MYOM2: variants seen among roughly 807,000 people sequenced by gnomAD.
MYOM2 encodes myomesin-2.
A neutral mutation model predicts 187.6 loss-of-function variants in MYOM2; 254 were observed. That is an observed-to-expected ratio of 1.35 (90% CI 1.22 to 1.50). The LOEUF (loss-of-function observed/expected upper bound fraction) is 1.50. Ranked by LOEUF, MYOM2 falls within the 40% of genes most tolerant of loss-of-function variation. The probability of loss-of-function intolerance (pLI) is 0.00; values close to 1 mark genes in which losing one functional copy is unlikely to be tolerated. For missense variants in MYOM2, 2,796 were observed against 1,924.0 expected (o/e 1.45, Z -8.48); for synonymous variants, 981 against 753.8 (o/e 1.30, Z -4.94).
chr8:2,070,578 G>T (rs1359552139), intron 8 of MYOM2, among the ~76,000 whole-genome samples: 1 of 152,110 alleles, frequency 6.6e-6, no homozygotes, highest in Non-Finnish European at 1.5e-5. Flanking sequence ...GCACTGATGA[G>T]CTGGGCAGGT....
chr8:2,135,575 G>A (rs78183207), intron 32 of MYOM2, among the ~76,000 whole-genome samples: 19,789 of 151,946 alleles, frequency 0.13, 2,175 homozygotes, highest in African/African-American at 0.28. Flanking sequence ...CATCCTGCTG[G>A]TTGCTTTAGC....
chr8:2,060,699 T>C lies in MYOM2; in HGVS notation c.653+1454T>C, dbSNP rs184372322. ...GAACACAAATGTTGATTGATCATCC[T>C]GCCTCCCCTCCCCAGAAGCCTGCTT... is the stretch of plus-strand genomic sequence containing the variant. On this transcript the variant is annotated intron_variant, in intron 6 of 36. Transcript: ENST00000262113. Among the ~76,000 whole-genome samples the C allele has an allele frequency of 1.4e-4, 22 of 152,302 alleles. No individual in the cohort carries two copies. In the East Asian group the frequency reaches 4.3e-3, roughly 29 times the overall value.
At chr8:2,143,356 A>C in intron 35 of MYOM2, 45 bp from the exon 36 acceptor site, 1 of 1,612,474 alleles carries the variant, frequency 6.2e-7, no homozygotes, top group Non-Finnish European at 8.5e-7. Context: ...CTCCGTGGGA[A>C]CGTCCCGCAG....
At chr8:2,100,623 C>T (rs1255791587) in intron 19 of MYOM2, 5 of 486,748 alleles carry the variant, frequency 1.0e-5, no homozygotes, top group Non-Finnish European at 7.4e-6. Context: ...CCCGAGAATG[C>T]AGTGTGGACT....
chr8:2,104,976 C>T lies in MYOM2; in HGVS notation c.2735-1266C>T, dbSNP rs189835634. ...TGTTTTTTATAGAGACAGGATCTCACTATGTTGCCCAGGCTGGTCTTGAAC... is the reference window on the plus strand; with the variant it reads ...TGTTTTTTATAGAGACAGGATCTCATTATGTTGCCCAGGCTGGTCTTGAAC... On this transcript the variant is annotated intron_variant, in intron 21 of 36. Coordinates refer to ENST00000262113, the MANE Select transcript of MYOM2 (RefSeq NM_003970.4). Among the ~76,000 whole-genome samples the T allele has an allele frequency of 7.9e-5, 12 of 152,324 alleles. No individual in the cohort carries two copies. The East Asian group carries it at 1.9e-3, about 24-fold the overall frequency.
chr8:2,077,080 C>G (rs974464504), intron 11 of MYOM2, among the ~76,000 whole-genome samples: 1 of 152,106 alleles, frequency 6.6e-6, no homozygotes, highest in Admixed American at 6.5e-5. Context: ...GGGAGGCCAA[C>G]GCGGGCGGAT....
chr8:2,058,073 T>G (rs1031104190), intron 5 of MYOM2, among the ~76,000 whole-genome samples: 1 of 134,296 alleles, frequency 7.4e-6, no homozygotes, highest in African/African-American at 2.8e-5. Context: ...GGCTGGAGTG[T>G]GATGGTGTGA....
intron 6 of MYOM2, among the ~76,000 whole-genome samples, chr8:2,068,402 C>T (rs1468128173): frequency 6.7e-6 from 1 of 150,244 alleles, no homozygotes; most frequent in Non-Finnish European, 1.5e-5. Flanking sequence ...TCTTCAATGC[C>T]TGTGTGCACC....
At chr8:2,132,404 G>A (rs1409461930) in intron 32 of MYOM2, among the ~76,000 whole-genome samples, 1 of 152,216 alleles carries the variant, frequency 6.6e-6, no homozygotes, top group Non-Finnish European at 1.5e-5. Flanking sequence ...TTCAGCGTGA[G>A]TTAGAAGCAG....
chr8:2,087,075 T>G (rs970705097), intron 14 of MYOM2, among the ~76,000 whole-genome samples: 2 of 152,218 alleles, frequency 1.3e-5, no homozygotes, highest in Non-Finnish European at 1.5e-5. Flanking sequence ...TTTTACCCTG[T>G]CCGGTGACAT....
intron 31 of MYOM2, among the ~76,000 whole-genome samples, chr8:2,127,390 C>G (rs1797686146): frequency 6.6e-6 from 1 of 152,192 alleles, no homozygotes; most frequent in African/African-American, 2.4e-5. Flanking sequence ...TCCCTGCGCA[C>G]TTTTTGGCTT....
At position 2,120,680 on chromosome 8, in the gene MYOM2, T is replaced by TATATATATATATATATATATATA; in HGVS notation, c.3454-2572_3454-2571insATATATATATATATATATATATA. 1.9e-4 allele frequency among the ~76,000 whole-genome samples: 9 copies of TATATATATATATATATATATATA among 48,288 alleles called. 1 individual carries two copies. The highest frequency in any genetic ancestry group is 6.8e-4 in the South Asian group (1 of 1,480). 31.7% of individuals were successfully genotyped at this position (48,288 alleles called of 152,430 possible). Reference sequence around the variant, plus strand: ...CCTGTATATATATATATATATTATATTATATATAAATATATAATATATATA... The same window carrying TATATATATATATATATATATATA: ...CCTGTATATATATATATATATTATATATATATATATATATATATATATATATATATAAATATATAATATATATA... On this transcript the variant is annotated intron_variant, in intron 28 of 36. Coordinates refer to ENST00000262113, the MANE Select transcript of MYOM2 (RefSeq NM_003970.4).
chr8:2,123,344 C>T lies in MYOM2; in HGVS notation c.3546C>T (p.Ile1182=). 1 of 1,612,326 alleles carries T rather than the reference C, an allele frequency of 6.2e-7. No individual in the cohort carries two copies. The highest frequency in any genetic ancestry group is 8.5e-7 in the Non-Finnish European group (1 of 1,178,980). Residue 1182 remains isoleucine (I), a synonymous_variant, in exon 29 of 37, where the codon ATC becomes ATT. Coordinates refer to ENST00000262113, the MANE Select transcript of MYOM2 (RefSeq NM_003970.4). ...CACTGCCTAACCTGGAGAGGGGAAT[C>T]TGTGAGCTCCTCATCCCAAAGGTAT... ...TETLPNLERG[I]CELLIPKLSK...
chr8:2,115,979 A>G lies in MYOM2; in HGVS notation c.3200A>G (p.Asp1067Gly), dbSNP rs1797228447. The change falls in exon 26 of 37, where the codon GAC becomes GGC. Residue 1067 changes from aspartate to glycine, a missense_variant. Coordinates refer to ENST00000262113, the MANE Select transcript of MYOM2 (RefSeq NM_003970.4). ...SDSEIHRIKC[D>G]KATGIIEMVM... ...TTGCAGATACACAGAATTAAATGTG[A>G]CAAAGCTACTGGCATTATTGAGATG... 6.2e-7 allele frequency: 1 copy of G among 1,613,630 alleles called. No individual in the cohort carries two copies. Among genetic ancestry groups the G allele is most frequent in the Non-Finnish European group, 8.5e-7 (1 of 1,179,942 alleles).
intron 19 of MYOM2, among the ~76,000 whole-genome samples, chr8:2,100,177 C>CTTCCTTCCTTCA (rs1796657009): frequency 7.4e-6 from 1 of 135,594 alleles, no homozygotes; most frequent in South Asian, 2.3e-4. Flanking sequence ...TCCTTCCTTC[C>CTTCCTTCCTTCA]TTCCTTCCTT....
Position 2,050,743 on chromosome 8 carries a change from C to G in MYOM2, c.-12-12C>G, listed in dbSNP as rs752138201. ...CGAGGGAGCTCAGTGTTGTGTGTGA[C>G]TCTCTTTGTAGGAGCACGCCAAGAT... On this transcript the variant is annotated splice_polypyrimidine_tract_variant and intron_variant, in intron 1 of 36. Transcript: ENST00000262113. 2.6e-6 allele frequency: 4 copies of G among 1,534,234 alleles called. No homozygotes were observed. The highest frequency in any genetic ancestry group is 3.6e-6 in the Non-Finnish European group (4 of 1,108,662).
At position 2,144,687 on chromosome 8, in the gene MYOM2, G is replaced by A. The variant is rs762799283; in HGVS notation, c.4104G>A (p.Val1368=). The part of the protein sequence containing the change: ...EGKTLNLTCT[V]FGNPDPEVIW... The stretch of plus-strand genomic sequence containing the variant: ...AGACCTTGAATCTGACCTGCACGGT[G>A]TTTGGAAACCCTGACCCCGAAGTGA... The change falls in exon 37 of 37, where the codon GTG becomes GTA. Residue 1368 remains valine (V), a synonymous_variant. Transcript: ENST00000262113. The A allele has an allele frequency of 3.1e-6, 5 of 1,613,796 alleles. No individual in the cohort carries two copies. Among genetic ancestry groups the A allele is most frequent in the East Asian group, 4.5e-5 (2 of 44,854 alleles).
At chr8:2,060,539 T>C (rs572633469) in intron 6 of MYOM2, among the ~76,000 whole-genome samples, 1 of 152,200 alleles carries the variant, frequency 6.6e-6, no homozygotes, top group South Asian at 2.1e-4. Context: ...AAGTGAGACA[T>C]TGGAACATAC....
intron 25 of MYOM2, among the ~76,000 whole-genome samples, chr8:2,110,690 G>T (rs149499978): frequency 6.6e-6 from 1 of 152,304 alleles, no homozygotes; most frequent in East Asian, 1.9e-4. Flanking sequence ...CATTACACAA[G>T]TTTTAGGGGA....
Sources: allele counts gnomAD v4.1 joint callset (sites outside exome capture counted in the v4.1 genomes callset), GRCh38; gene constraint gnomAD v4.1.1; transcripts MANE v1.5; gene names NCBI Gene and HGNC (gene_info 2026-07-23, HGNC 2026-07-21).